The following METTL8 variants were observed in gnomAD, a reference collection of about 807,000 sequenced individuals.
METTL8 encodes the protein methyltransferase 8, tRNA N3-cytidine, also known as tRNA N(3)-cytidine methyltransferase METTL8, mitochondrial.
In METTL8, 32 loss-of-function variants were observed where a neutral mutation model predicts 48.7. That is an observed-to-expected ratio of 0.66 (90% confidence interval 0.50 to 0.88). The LOEUF is 0.88. Among genes scored for constraint, METTL8 ranks in the 40% least tolerant of loss-of-function variants. METTL8 has a pLI of 0.00. For missense variants in METTL8, 464 were observed against 474.4 expected (o/e 0.98, Z 0.20); for synonymous variants, 136 against 157.1 (o/e 0.87, Z 1.01).
intron 1 of METTL8, among the ~76,000 whole-genome samples, chr2:171,431,236 C>A (rs1366966461): frequency 6.6e-6 from 1 of 151,110 alleles, no homozygotes; most frequent in Non-Finnish European, 1.5e-5. Flanking sequence ...AAATTCCATT[C>A]CCTAACACAT....
At chr2:171,423,614 CAA>C (rs1259418486) in intron 1 of METTL8, among the ~76,000 whole-genome samples, 1 of 152,098 alleles carries the variant, frequency 6.6e-6, no homozygotes, top group East Asian at 1.9e-4. Context: ...TCTTGCTATG[CAA>C]AGATACTGGA....
At chr2:171,399,791 G>C (rs1033142924) in intron 1 of METTL8, among the ~76,000 whole-genome samples, 1 of 151,954 alleles carries the variant, frequency 6.6e-6, no homozygotes, top group African/African-American at 2.4e-5. Context: ...TTTAAAGAAG[G>C]ATTTTAATAA....
chr2:171,427,696 G>C (rs1185135986), intron 1 of METTL8, among the ~76,000 whole-genome samples: 2 of 152,190 alleles, frequency 1.3e-5, no homozygotes, highest in African/African-American at 4.8e-5. Context: ...GGCTAAAGCA[G>C]GGTGTTCAAC....
At chr2:171,375,933 A>G (rs751321155) in intron 2 of METTL8, among the ~76,000 whole-genome samples, 2 of 152,104 alleles carry the variant, frequency 1.3e-5, no homozygotes, top group African/African-American at 4.8e-5. Context: ...CTGACACCCA[A>G]CCTTTTCCAG....
chr2:171,434,600 A>G (rs767165065), upstream of METTL8: 4 of 1,528,114 alleles, frequency 2.6e-6, no homozygotes, highest in Non-Finnish European at 2.6e-6. Context: ...CGGAAGCCCA[A>G]CGTGTGCAGC....
At chr2:171,434,249 G>A (rs750862065), upstream of METTL8, 94 of 489,922 alleles carry the variant, frequency 1.9e-4, no homozygotes, top group Non-Finnish European at 3.2e-4. Flanking sequence ...GCCTCACGAG[G>A]CACTAGGAAC....
chr2:171,326,098 A>G lies in METTL8; in HGVS notation c.911T>C (p.Met304Thr), dbSNP rs374144507. The G allele has an allele frequency of 1.2e-5, 18 of 1,550,118 alleles. No individual in the cohort carries two copies. The highest frequency in any genetic ancestry group is 5.5e-5 in the African/African-American group (4 of 72,510). The change falls in exon 8 of 10, where the codon ATG becomes ACG. Residue 304 changes from methionine to threonine, a missense_variant. Physicochemically the swap from Met to Thr is moderately conservative, Grantham distance 81 (BLOSUM62 -1). Coordinates refer to ENST00000375258, the MANE Select transcript of METTL8 (RefSeq NM_001321154.2). ...RLSKLLKPGG[M>T]LLFRDYGRYD... Reference sequence around the variant, plus strand: ...TCTTCCATAGTCTCGAAATAACAGCATTCCCCCAGGTTTCAGTAACTTGGA... The same window carrying G: ...TCTTCCATAGTCTCGAAATAACAGCGTTCCCCCAGGTTTCAGTAACTTGGA...
intron 1 of METTL8, among the ~76,000 whole-genome samples, chr2:171,419,382 C>T (rs1691654625): frequency 2.0e-5 from 3 of 152,146 alleles, no homozygotes; most frequent in African/African-American, 7.2e-5. Flanking sequence ...CTACTAGCTC[C>T]AACTCTAATC....
intron 1 of METTL8, among the ~76,000 whole-genome samples, chr2:171,403,204 G>A (rs534215477): frequency 1.2e-4 from 19 of 152,210 alleles, no homozygotes; most frequent in South Asian, 2.1e-4. Flanking sequence ...ACTCTGCAGC[G>A]GAGTAACTTC....
chr2:171,352,608 T>A (rs1004196898), intron 3 of METTL8, among the ~76,000 whole-genome samples: 1 of 152,174 alleles, frequency 6.6e-6, no homozygotes, highest in Non-Finnish European at 1.5e-5. Context: ...TGGACTTTTT[T>A]TGGTTGGTAG....
At chr2:171,427,125 T>G (rs1051434214) in intron 1 of METTL8, among the ~76,000 whole-genome samples, 1 of 152,220 alleles carries the variant, frequency 6.6e-6, no homozygotes, top group African/African-American at 2.4e-5. Context: ...TCTGTTTTAT[T>G]AGGATTTCAC....
In METTL8 at chr2:171,353,263, G is replaced by A. The variant is rs184122918; in HGVS notation, c.235+7159C>T. Among the ~76,000 whole-genome samples the A allele has an allele frequency of 2.0e-3, 311 of 152,194 alleles. 2 individuals carry two copies. Among genetic ancestry groups the A allele is most frequent in the African/African-American group, 7.3e-3 (304 of 41,530 alleles). ...CTCAGGAGCAGCTTGTGCAGTTTCC[G>A]TGTAGTTGGGTGGTTTGGGTGAGTT... On this transcript the variant is annotated intron_variant, in intron 3 of 9. Transcript: ENST00000375258.
chr2:171,374,651 C>T (rs895533095), intron 2 of METTL8, among the ~76,000 whole-genome samples: 1 of 150,016 alleles, frequency 6.7e-6, no homozygotes, highest in African/African-American at 2.5e-5. Flanking sequence ...CTCCCTCCCA[C>T]CCCTCCCCTT....
intron 1 of METTL8, among the ~76,000 whole-genome samples, chr2:171,422,422 CAA>C (rs1001828896): frequency 6.6e-6 from 1 of 152,160 alleles, no homozygotes; most frequent in Non-Finnish European, 1.5e-5. Flanking sequence ...TTTATGACCT[CAA>C]GTTAAGCAAT....
chr2:171,372,298 T>TA (rs998156731), intron 2 of METTL8, among the ~76,000 whole-genome samples: 3 of 151,516 alleles, frequency 2.0e-5, no homozygotes, highest in Non-Finnish European at 2.9e-5. Context: ...ATTTTTTTTT[T>TA]AAATTAAAAC....
intron 1 of METTL8, among the ~76,000 whole-genome samples, chr2:171,425,863 A>G (rs1278470945): frequency 2.0e-5 from 3 of 152,206 alleles, no homozygotes; most frequent in Admixed American, 6.5e-5. Context: ...CCTAGAAATA[A>G]AAAACCTGAA....
chr2:171,392,599 T>C (rs1213683468), intron 1 of METTL8, among the ~76,000 whole-genome samples: 2 of 152,166 alleles, frequency 1.3e-5, no homozygotes, highest in Non-Finnish European at 2.9e-5. Flanking sequence ...TTGTGACCAC[T>C]AGACAAAAAT....
intron 1 of METTL8, among the ~76,000 whole-genome samples, chr2:171,397,352 TAAAAAAAAAAAAAAAAA>T (rs71013039): frequency 8.6e-5 from 1 of 11,692 alleles, no homozygotes; most frequent in African/African-American, 2.8e-4. Flanking sequence ...ACCCTGTCTC[TAAAAAAAAAAAAAAAAA>T]AAAAAAAAAA....
chr2:171,331,828 A>T lies in METTL8; in HGVS notation c.696T>A (p.Ala232=), dbSNP rs11891595. Residue 232 remains alanine, a synonymous_variant, in exon 6 of 10, where the codon GCT becomes GCA. Coordinates refer to ENST00000375258, the MANE Select transcript of METTL8 (RefSeq NM_001321154.2). The part of the protein sequence containing the change: ...PESFLYCCDF[A]SGAVELVKSH... ...CCTTTACGAGCTCCACAGCTCCAGAAGCAAAATCACAACAATACAGAAAGG... is the reference window on the plus strand; with the variant it reads ...CCTTTACGAGCTCCACAGCTCCAGATGCAAAATCACAACAATACAGAAAGG... 3 of 1,604,950 alleles carry T rather than the reference A, an allele frequency of 1.9e-6. No individual in the cohort carries two copies. In the African/African-American group the frequency reaches 4.0e-5, roughly 21 times the overall value.
Sources: allele counts gnomAD v4.1 joint callset (sites outside exome capture counted in the v4.1 genomes callset), GRCh38; gene constraint gnomAD v4.1.1; transcripts MANE v1.5; gene names NCBI Gene and HGNC (gene_info 2026-07-23, HGNC 2026-07-21).